Variants in CACNB2 observed in about 807,000 individuals in gnomAD.
CACNB2 encodes voltage-dependent L-type calcium channel subunit beta-2.
A neutral mutation model predicts 73.3 loss-of-function variants in CACNB2; 42 were observed. The observed-to-expected ratio is 0.57, with a 90% CI of 0.45 to 0.74. The LOEUF (loss-of-function observed/expected upper bound fraction) is 0.74, where lower values mean the gene tolerates loss of function less well. Ranked by LOEUF, CACNB2 falls within the 30% of genes least tolerant of loss-of-function variation. The probability of loss-of-function intolerance (pLI) is 0.00; values close to 1 mark genes in which losing one functional copy is unlikely to be tolerated. For missense variants in CACNB2, 940 were observed against 853.0 expected (o/e 1.10, Z -1.27); for synonymous variants, 348 against 310.3 (o/e 1.12, Z -1.28).
At chr10:18,220,242 G>GTTGGGGGGAGAC (rs1306203445) in intron 2 of CACNB2, among the ~76,000 whole-genome samples, 2 of 89,132 alleles carry the variant, frequency 2.2e-5, no homozygotes, top group African/African-American at 6.2e-5. Context: ...TAGAGAGAGA[G>GTTGGGGGGAGAC]AGAGAGAGAG....
At chr10:18,454,447 C>T (rs1184943797) in intron 3 of CACNB2, among the ~76,000 whole-genome samples, 1 of 152,152 alleles carries the variant, frequency 6.6e-6, no homozygotes, top group Non-Finnish European at 1.5e-5. Flanking sequence ...TCTATACCAC[C>T]GTGTATTTTT....
At chr10:18,400,431 T>C (rs1375370113) in intron 2 of CACNB2, 3 of 244,674 alleles carry the variant, frequency 1.2e-5, no homozygotes, top group African/African-American at 2.3e-5. Flanking sequence ...GAAGAGACCT[T>C]TCCAGCTGTT....
chr10:18,204,598 C>A (rs958600293), intron 2 of CACNB2, among the ~76,000 whole-genome samples: 1 of 152,198 alleles, frequency 6.6e-6, no homozygotes, highest in African/African-American at 2.4e-5. Flanking sequence ...TTTGCTCTGA[C>A]ATTTTATGTG....
chr10:18,337,047 G>A (rs1012719775), intron 2 of CACNB2, among the ~76,000 whole-genome samples: 37 of 152,164 alleles, frequency 2.4e-4, no homozygotes, highest in African/African-American at 7.0e-4. Flanking sequence ...TTTTAACAGT[G>A]GAATCTTTAC....
chr10:18,388,753 C>A (rs115667991), intron 2 of CACNB2, among the ~76,000 whole-genome samples: 2,033 of 152,280 alleles, frequency 0.013, 58 homozygotes, highest in African/African-American at 0.046. Flanking sequence ...CATTTCTATA[C>A]ATTATACACA....
chr10:18,509,043 T>G (rs2050630263), intron 6 of CACNB2, among the ~76,000 whole-genome samples: 1 of 152,238 alleles, frequency 6.6e-6, no homozygotes, highest in African/African-American at 2.4e-5. Flanking sequence ...ACACCAACTT[T>G]CAAGTGACTT....
At position 18,472,241 on chromosome 10, in the gene CACNB2, T is replaced by C. The variant is rs867745186; in HGVS notation, c.334-26114T>C. 0.022 allele frequency among the ~76,000 whole-genome samples: 1,551 copies of C among 69,896 alleles called. 112 individuals are homozygous for C. The South Asian group carries it at 0.23, about 10-fold the overall frequency. The allele number at this position is 69,896 out of a possible 152,430, so 45.9% of individuals were successfully genotyped here. On this transcript the variant is annotated intron_variant, in intron 3 of 13. Coordinates refer to ENST00000324631, the MANE Select transcript of CACNB2 (RefSeq NM_201596.3). Reference sequence around the variant, plus strand: ...TTCTTCTTTTTTTTTTTTTTTTTTTTTTTTTTTTTTTTTGACATGGAGTCT... The same window carrying C: ...TTCTTCTTTTTTTTTTTTTTTTTTTCTTTTTTTTTTTTTGACATGGAGTCT...
chr10:18,502,609 C>T (rs12771084), intron 5 of CACNB2, among the ~76,000 whole-genome samples: 88,276 of 144,652 alleles, frequency 0.61, 27,461 homozygotes, highest in East Asian at 0.97. Flanking sequence ...AGAATCACTT[C>T]GAACCCGGGA....
At chr10:18,480,665 G>C (rs1317288817) in intron 3 of CACNB2, among the ~76,000 whole-genome samples, 1 of 152,166 alleles carries the variant, frequency 6.6e-6, no homozygotes, top group African/African-American at 2.4e-5. Flanking sequence ...GCAGAAAACA[G>C]AATCCAGAAC....
chr10:18,224,382 C>G (rs979635830), intron 2 of CACNB2: 34 of 151,796 alleles, frequency 2.2e-4, no homozygotes, highest in African/African-American at 8.2e-4. Flanking sequence ...CAAAGCTCAG[C>G]TGATATGAAA....
intron 2 of CACNB2, among the ~76,000 whole-genome samples, chr10:18,295,001 G>C (rs1352218785): frequency 6.6e-6 from 1 of 152,212 alleles, no homozygotes; most frequent in East Asian, 1.9e-4. Flanking sequence ...TCATCACCCT[G>C]ACACAGTCAA....
rs186726118 is a variant in CACNB2 at position 18,527,103 on chromosome 10, G to A, written c.945-485G>A. Among the ~76,000 whole-genome samples, 202 of 152,216 alleles carry A rather than the reference G, an allele frequency of 1.3e-3. 1 individual carries two copies. Among genetic ancestry groups the A allele is most frequent in the African/African-American group, 4.5e-3 (186 of 41,526 alleles). ...CGTAAGGCAGGTGCAGGATAGGGCC[G>A]GGCGCGGTGGCTCACACCTATAATC... is the stretch of plus-strand genomic sequence containing the variant. On this transcript the variant is annotated intron_variant, in intron 9 of 13. Transcript: ENST00000324631.
At chr10:18,151,416 G>A (rs1209244697) in intron 2 of CACNB2, 1 of 175,382 alleles carries the variant, frequency 5.7e-6, no homozygotes, top group Non-Finnish European at 1.2e-5. Flanking sequence ...GTCTTGAAAT[G>A]GTTGAGGCTA....
chr10:18,165,991 G>T (rs2032825200), intron 2 of CACNB2, among the ~76,000 whole-genome samples: 1 of 152,086 alleles, frequency 6.6e-6, no homozygotes, highest in Non-Finnish European at 1.5e-5. Flanking sequence ...TATTAAGAAA[G>T]TTATTTAGCT....
intron 2 of CACNB2, among the ~76,000 whole-genome samples, chr10:18,156,559 C>A (rs550236369): frequency 6.6e-6 from 1 of 152,088 alleles, no homozygotes; most frequent in Non-Finnish European, 1.5e-5. Flanking sequence ...ATTGGCTGTG[C>A]GTGGCAGATG....
Position 18,242,118 on chromosome 10 carries a change from T to A in CACNB2, c.213+91143T>A, listed in dbSNP as rs567616252. On this transcript the variant is annotated intron_variant, in intron 2 of 13. Transcript: ENST00000324631. ...GTGTATATATATGTATACATGTGTG[T>A]GTGTGTGTATATATATATATACACA... Among the ~76,000 whole-genome samples the A allele has an allele frequency of 5.0e-3, 761 of 151,958 alleles. 1 individual carries two copies. Among genetic ancestry groups the A allele is most frequent in the Non-Finnish European group, 8.0e-3 (543 of 67,936 alleles).
chr10:18,488,454 G>A (rs568398138), intron 3 of CACNB2, among the ~76,000 whole-genome samples: 6 of 123,010 alleles, frequency 4.9e-5, no homozygotes, highest in South Asian at 2.8e-4. Flanking sequence ...CGGCCTGGGC[G>A]ACAGAGCGAG....
At chr10:18,223,618 A>G (rs1290699276) in intron 2 of CACNB2, among the ~76,000 whole-genome samples, 1 of 152,126 alleles carries the variant, frequency 6.6e-6, no homozygotes, top group Non-Finnish European at 1.5e-5. Context: ...TTTTTTCTTT[A>G]TTTAAAAATG....
At chr10:18,447,980 G>A (rs970595139) in intron 3 of CACNB2, among the ~76,000 whole-genome samples, 1 of 151,988 alleles carries the variant, frequency 6.6e-6, no homozygotes, top group Non-Finnish European at 1.5e-5. Flanking sequence ...TAATGGAGAG[G>A]GAAAGACACT....
Sources: allele counts gnomAD v4.1 joint callset (sites outside exome capture counted in the v4.1 genomes callset), GRCh38; gene constraint gnomAD v4.1.1; transcripts MANE v1.5; gene names NCBI Gene and HGNC (gene_info 2026-07-23, HGNC 2026-07-21).